The following PTPN1 variants were observed in gnomAD, a reference collection of about 807,000 sequenced individuals.
PTPN1 encodes protein tyrosine phosphatase non-receptor type 1.
PTPN1 carries 12 observed loss-of-function variants against 59.9 expected under a neutral mutation model. That is an observed-to-expected ratio of 0.20 (90% CI 0.13 to 0.32). PTPN1 has a LOEUF of 0.32. PTPN1 is among the 10% of genes least tolerant of loss of function. The pLI is 1.00. For synonymous variants in PTPN1, 178 were observed against 203.6 expected (o/e 0.87, Z 1.07); for missense variants, 356 against 549.2 (o/e 0.65, Z 3.52).
At chr20:50,557,046 A>G (rs905275799) in intron 1 of PTPN1, among the ~76,000 whole-genome samples, 1 of 152,206 alleles carries the variant, frequency 6.6e-6, no homozygotes, top group Non-Finnish European at 1.5e-5. Context: ...CTGGGCAACA[A>G]GAGCAAAACC....
chr20:50,538,080 C>T (rs2122745558), intron 1 of PTPN1, among the ~76,000 whole-genome samples: 1 of 152,232 alleles, frequency 6.6e-6, no homozygotes, highest in Non-Finnish European at 1.5e-5. Flanking sequence ...CGAAAAGATA[C>T]TCAGCACCCT....
intron 1 of PTPN1, among the ~76,000 whole-genome samples, chr20:50,522,755 T>G (rs1466042613): frequency 6.6e-6 from 1 of 152,068 alleles, no homozygotes; most frequent in African/African-American, 2.4e-5. Context: ...GTATTTGTAT[T>G]TATTTATTTA....
chr20:50,541,313 C>T (rs2082651139), intron 1 of PTPN1, among the ~76,000 whole-genome samples: 1 of 152,206 alleles, frequency 6.6e-6, no homozygotes, highest in South Asian at 2.1e-4. Context: ...TCTATTTTCT[C>T]AATCCAAATC....
chr20:50,564,728 A>G (rs551710701), intron 2 of PTPN1, among the ~76,000 whole-genome samples: 1 of 152,354 alleles, frequency 6.6e-6, no homozygotes, highest in South Asian at 2.1e-4. Flanking sequence ...GACATGATCC[A>G]TGTTTTAATA....
At chr20:50,569,278 C>T (rs1163992513) in intron 4 of PTPN1, among the ~76,000 whole-genome samples, 2 of 152,246 alleles carry the variant, frequency 1.3e-5, no homozygotes, top group Admixed American at 6.5e-5. Flanking sequence ...CCCCTGGACA[C>T]AGACCTCTCA....
At chr20:50,521,622 G>T (rs961587794) in intron 1 of PTPN1, among the ~76,000 whole-genome samples, 6 of 152,180 alleles carry the variant, frequency 3.9e-5, no homozygotes, top group Non-Finnish European at 5.9e-5. Context: ...TGTAGTTTTT[G>T]ACCTTTGCCT....
chr20:50,568,996 C>G lies in PTPN1; in HGVS notation c.354+518C>G, dbSNP rs1178789880. On this transcript the variant is annotated intron_variant, in intron 4 of 9. Coordinates refer to ENST00000371621, the MANE Select transcript of PTPN1 (RefSeq NM_002827.4). This position sits in a 1 kb window ranked among gnomAD's most constrained non-coding sequence, Gnocchi z 5.6. ...CATTGACTTCAGGATGTGTGTCATT[C>G]TAAGTTCCTGCAACTTTTCAAACAC... 6.6e-6 allele frequency among the ~76,000 whole-genome samples: 1 copy of G among 152,166 alleles called. No homozygotes were observed. The highest frequency in any genetic ancestry group is 1.5e-5 in the Non-Finnish European group (1 of 68,036).
chr20:50,533,060 GC>G (rs1321311085), intron 1 of PTPN1, among the ~76,000 whole-genome samples: 1 of 147,878 alleles, frequency 6.8e-6, no homozygotes, highest in Admixed American at 6.8e-5. Context: ...CAGGGTTTTT[GC>G]CTCTGGTCTA....
chr20:50,569,928 G>T (rs185784077), intron 4 of PTPN1, among the ~76,000 whole-genome samples: 1 of 152,364 alleles, frequency 6.6e-6, no homozygotes, highest in African/African-American at 2.4e-5. Context: ...GGGTCCAGGA[G>T]GAGATGGGCT....
chr20:50,569,582 G>T (rs1334670365), intron 4 of PTPN1, among the ~76,000 whole-genome samples: 1 of 151,944 alleles, frequency 6.6e-6, no homozygotes, highest in Admixed American at 6.6e-5. Context: ...AGACTGTCCT[G>T]TGTAGACTGT....
chr20:50,570,041 C>T lies in PTPN1; in HGVS notation c.354+1563C>T, dbSNP rs371241633. Among the ~76,000 whole-genome samples, 53 of 152,366 alleles carry T rather than the reference C, an allele frequency of 3.5e-4. 1 individual carries two copies. In the East Asian group the frequency reaches 4.4e-3, roughly 13 times the overall value. ...CTCAGCTAGGACACGGCTCTCACAG[C>T]TGTCCTGGTTGCCTCCGGCCACAGA... is the stretch of plus-strand genomic sequence containing the variant. On this transcript the variant is annotated intron_variant, in intron 4 of 9. Coordinates refer to ENST00000371621, the MANE Select transcript of PTPN1 (RefSeq NM_002827.4).
chr20:50,544,503 T>G (rs956337076), intron 1 of PTPN1, among the ~76,000 whole-genome samples: 1 of 152,092 alleles, frequency 6.6e-6, no homozygotes, highest in Admixed American at 6.5e-5. Context: ...TGATTTCCAA[T>G]AAAGATAAAG....
intron 1 of PTPN1, among the ~76,000 whole-genome samples, chr20:50,557,147 A>G (rs1416439886): frequency 6.6e-6 from 1 of 152,108 alleles, no homozygotes; most frequent in Non-Finnish European, 1.5e-5. Flanking sequence ...ACCACTCCCA[A>G]TCTTTGTTCT....
intron 1 of PTPN1, among the ~76,000 whole-genome samples, chr20:50,539,170 G>C (rs973818787): frequency 1.3e-5 from 2 of 151,758 alleles, no homozygotes; most frequent in South Asian, 2.1e-4. Flanking sequence ...TGAGTAGCTG[G>C]GATTACAGTC....
intron 1 of PTPN1, among the ~76,000 whole-genome samples, chr20:50,518,899 C>T (rs989946487): frequency 6.6e-6 from 1 of 152,120 alleles, no homozygotes; most frequent in Non-Finnish European, 1.5e-5. Flanking sequence ...TTTAGCCACA[C>T]CTAAAGGTTG....
chr20:50,562,258 T>G (rs2082756297), intron 2 of PTPN1, among the ~76,000 whole-genome samples: 1 of 152,174 alleles, frequency 6.6e-6, no homozygotes, highest in Non-Finnish European at 1.5e-5. Flanking sequence ...TCTCCAGTCA[T>G]TCCTCCAGTG....
chr20:50,569,206 C>T (rs1242314792), intron 4 of PTPN1, among the ~76,000 whole-genome samples: 1 of 152,220 alleles, frequency 6.6e-6, no homozygotes, highest in African/African-American at 2.4e-5. Flanking sequence ...TTGTGCGGTT[C>T]CCTTTGCCTC....
At chr20:50,513,911 C>T (rs775508154) in intron 1 of PTPN1, among the ~76,000 whole-genome samples, 5 of 151,888 alleles carry the variant, frequency 3.3e-5, no homozygotes, top group African/African-American at 7.2e-5. Flanking sequence ...AAAAGACTAA[C>T]GGAAATGACA....
chr20:50,537,054 G>A (rs1190550084), intron 1 of PTPN1, among the ~76,000 whole-genome samples: 2 of 152,228 alleles, frequency 1.3e-5, no homozygotes, highest in Non-Finnish European at 2.9e-5. Flanking sequence ...GCTGAGCGCG[G>A]TGGCTCACGC....
Sources: allele counts gnomAD v4.1 joint callset (sites outside exome capture counted in the v4.1 genomes callset), GRCh38; gene constraint gnomAD v4.1.1; non-coding constraint Gnocchi (gnomAD v3.1); transcripts MANE v1.5; gene names NCBI Gene and HGNC (gene_info 2026-07-23, HGNC 2026-07-21).